The following FRMPD4 variants were observed in gnomAD, a reference collection of about 807,000 sequenced individuals.
The protein encoded by FRMPD4 is FERM and PDZ domain-containing protein 4.
A neutral mutation model predicts 94.1 loss-of-function variants in FRMPD4; 22 were observed. The observed-to-expected ratio is 0.23, with a 90% CI of 0.17 to 0.33. The LOEUF (loss-of-function observed/expected upper bound fraction) is 0.33, where lower values mean the gene tolerates loss of function less well. Among genes scored for constraint, FRMPD4 ranks in the 10% least tolerant of loss-of-function variants. FRMPD4 has a pLI of 1.00. For missense variants in FRMPD4, 1,111 were observed against 1,339.9 expected (o/e 0.83, Z 2.67); for synonymous variants, 631 against 548.6 (o/e 1.15, Z -2.10).
intron 1 of FRMPD4, among the ~76,000 whole-genome samples, chrX:12,331,809 ATTTATATACTATATATAAATTAT>A (rs2055401502): frequency 8.7e-5 from 3 of 34,510 alleles, no homozygotes; most frequent in African/African-American, 5.9e-4. Flanking sequence ...AATTATATAT[ATTTATATACTATATATAAATTAT>A]ATATATTTAT....
intron 5 of FRMPD4, among the ~76,000 whole-genome samples, chrX:12,679,129 A>G (rs2059935692): frequency 8.9e-6 from 1 of 112,248 alleles, no homozygotes; most frequent in African/African-American, 3.2e-5. Context: ...TTTCCAATGG[A>G]GAACACCTGT....
chrX:12,536,255 T>C (rs1446728212), intron 2 of FRMPD4, among the ~76,000 whole-genome samples: 2 of 109,492 alleles, frequency 1.8e-5, no homozygotes, highest in African/African-American at 6.6e-5. Flanking sequence ...CTCCAGAAGG[T>C]AGCATAGTGC....
intron 1 of FRMPD4, among the ~76,000 whole-genome samples, chrX:12,329,233 C>T (rs2055334210): frequency 8.9e-6 from 1 of 111,863 alleles, no homozygotes; most frequent in South Asian, 3.7e-4. Flanking sequence ...AGAACCCTCT[C>T]TGGAATGGGG....
chrX:12,146,237 G>A (rs5978488), intron 1 of FRMPD4, among the ~76,000 whole-genome samples: 5,438 of 110,143 alleles, frequency 0.049, 206 homozygotes, highest in African/African-American at 0.12. Context: ...GGTGGCGGGC[G>A]CTTGTAGTCT....
At chrX:12,299,993 C>A (rs911270420) in intron 1 of FRMPD4, among the ~76,000 whole-genome samples, 2 of 112,076 alleles carry the variant, frequency 1.8e-5, no homozygotes, top group African/African-American at 6.5e-5. Context: ...TTACAAAATT[C>A]AAGTTAAGGA....
chrX:12,478,193 A>G (rs1230709693), intron 1 of FRMPD4, among the ~76,000 whole-genome samples: 4 of 111,943 alleles, frequency 3.6e-5, no homozygotes, highest in Non-Finnish European at 7.5e-5. Flanking sequence ...TCCCAGGAAG[A>G]AGGAGGTCTC....
intron 1 of FRMPD4, among the ~76,000 whole-genome samples, chrX:12,141,741 G>GTTC (rs1312320002): frequency 9.0e-6 from 1 of 111,604 alleles, no homozygotes; most frequent in Non-Finnish European, 1.9e-5. Context: ...TAATTTTCTG[G>GTTC]TTCTTAAACT....
rs1011961774 is a variant in FRMPD4 at position 11,912,485 on chromosome X, C to T, written c.95+34467C>T. On this transcript the variant is annotated intron_variant, in intron 3 of 18. Coordinates refer to the FRMPD4 transcript ENST00000640291. ...ATAACACATAAAAGAAATATAAAGG[C>T]TCAAATTCCTCCAAGGACAAAAATA... is the stretch of plus-strand genomic sequence containing the variant. Among the ~76,000 whole-genome samples the T allele has an allele frequency of 5.4e-5, 6 of 111,880 alleles. No homozygotes were observed. The South Asian group carries it at 1.1e-3, about 21-fold the overall frequency.
intron 3 of FRMPD4, among the ~76,000 whole-genome samples, chrX:12,040,019 A>G (rs964530316): frequency 9.1e-6 from 1 of 109,896 alleles, no homozygotes; most frequent in African/African-American, 3.3e-5. Flanking sequence ...TTATGTTGCT[A>G]TTGGGTGCAG....
At chrX:12,075,352 G>T (rs750003318) in intron 3 of FRMPD4, among the ~76,000 whole-genome samples, 1 of 108,418 alleles carries the variant, frequency 9.2e-6, no homozygotes, top group African/African-American at 3.4e-5. Context: ...ATGTGTGTGT[G>T]GGGGGTGGTA....
intron 3 of FRMPD4, among the ~76,000 whole-genome samples, chrX:12,026,332 T>A (rs1375921476): frequency 8.9e-6 from 1 of 111,998 alleles, no homozygotes; most frequent in Non-Finnish European, 1.9e-5. Flanking sequence ...GGTCCTTTTT[T>A]AAGTACTAGG....
chrX:12,160,862 C>T (rs1342071806), intron 1 of FRMPD4, among the ~76,000 whole-genome samples: 1 of 110,556 alleles, frequency 9.0e-6, no homozygotes, highest in Non-Finnish European at 1.9e-5. Flanking sequence ...TAGCAATGCT[C>T]TTTGTATTAG....
chrX:12,123,301 C>T (rs1235657811), intron 3 of FRMPD4, among the ~76,000 whole-genome samples: 1 of 110,279 alleles, frequency 9.1e-6, no homozygotes, highest in Non-Finnish European at 1.9e-5. Flanking sequence ...GTATGCCTGG[C>T]TAATTTTTAT....
chrX:11,893,705 G>A (rs1469143827), intron 3 of FRMPD4, among the ~76,000 whole-genome samples: 21 of 111,703 alleles, frequency 1.9e-4, no homozygotes, highest in South Asian at 3.7e-4. Flanking sequence ...TGAGTTAAAT[G>A]TGGTAAGGTA....
chrX:11,928,845 G>T (rs1245941008), intron 3 of FRMPD4, among the ~76,000 whole-genome samples: 3 of 112,464 alleles, frequency 2.7e-5, no homozygotes, highest in Admixed American at 9.4e-5. Flanking sequence ...CAATAGCAAA[G>T]ATATGGAATA....
At position 12,324,010 on chromosome X, in the gene FRMPD4, A is replaced by G. The variant is rs1030364521; in HGVS notation, c.42-174670A>G. Among the ~76,000 whole-genome samples the G allele has an allele frequency of 4.5e-5, 5 of 111,877 alleles. No individual in the cohort carries two copies. The Admixed American group carries it at 4.7e-4, about 11-fold the overall frequency. ...CACCATGAGGAGGTTGTGTCAACAAATATAAGGAAGACATAAGAATCTGTG... is the reference window on the plus strand; with the variant it reads ...CACCATGAGGAGGTTGTGTCAACAAGTATAAGGAAGACATAAGAATCTGTG... On this transcript the variant is annotated intron_variant, in intron 1 of 16. Transcript: ENST00000675598.
chrX:12,076,066 A>G (rs1228604563), intron 3 of FRMPD4, among the ~76,000 whole-genome samples: 3 of 111,481 alleles, frequency 2.7e-5, no homozygotes, highest in Non-Finnish European at 5.7e-5. Flanking sequence ...AATGTTTTTC[A>G]TTGCTCTCTT....
chrX:12,204,357 A>G lies in FRMPD4; in HGVS notation c.41+65345A>G, dbSNP rs1184351952. Among the ~76,000 whole-genome samples the G allele has an allele frequency of 2.7e-5, 3 of 112,237 alleles. No individual in the cohort carries two copies. The East Asian group carries it at 8.5e-4, about 32-fold the overall frequency. Reference sequence around the variant, plus strand: ...AAGGTGAGATAGAGTCTCTGTCTTGATTCTAGGCTGTGGTGGGACTGCCTG... The same window carrying G: ...AAGGTGAGATAGAGTCTCTGTCTTGGTTCTAGGCTGTGGTGGGACTGCCTG... On this transcript the variant is annotated intron_variant, in intron 1 of 16. Coordinates refer to ENST00000675598, the MANE Select transcript of FRMPD4 (RefSeq NM_001368397.1).
At chrX:12,220,943 C>G (rs2056858980) in intron 1 of FRMPD4, among the ~76,000 whole-genome samples, 1 of 111,601 alleles carries the variant, frequency 9.0e-6, no homozygotes, top group Non-Finnish European at 1.9e-5. Context: ...CCTCTAGGGA[C>G]AATTCATTTC....
Sources: gnomAD v4.1 joint callset for allele counts (sites outside exome capture counted in the v4.1 genomes callset) on GRCh38, gnomAD v4.1.1 for gene constraint, MANE v1.5 for transcripts, NCBI Gene and HGNC (gene_info 2026-07-23, HGNC 2026-07-21) for gene names.